SVEP1: variants seen among roughly 807,000 people sequenced by gnomAD.
The protein encoded by SVEP1 is sushi, von Willebrand factor type A, EGF and pentraxin domain-containing protein 1.
In SVEP1, 164 loss-of-function variants were observed where a neutral mutation model predicts 367.3. That is an observed-to-expected ratio of 0.45 (90% CI 0.39 to 0.51). The LOEUF is 0.51. Among genes scored for constraint, SVEP1 ranks in the 20% least tolerant of loss-of-function variants. The pLI is 0.00. For missense variants in SVEP1, 4,117 were observed against 4,425.3 expected (o/e 0.93, Z 1.98); for synonymous variants, 1,666 against 1,611.6 (o/e 1.03, Z -0.81).
At chr9:110,546,091 G>C (rs761995727) in intron 3 of SVEP1, 24 bp downstream of exon 3, 8 of 1,551,244 alleles carry the variant, frequency 5.2e-6, no homozygotes, top group Non-Finnish European at 7.0e-6. Flanking sequence ...ACAGACAACT[G>C]ATATACACAG....
intron 25 of SVEP1, among the ~76,000 whole-genome samples, chr9:110,446,339 C>A (rs1204617262): frequency 6.6e-6 from 1 of 152,144 alleles, no homozygotes; most frequent in Non-Finnish European, 1.5e-5. Flanking sequence ...TAAAGCATGT[C>A]TGTATGCTGA....
chr9:110,472,158 C>T lies in SVEP1; in HGVS notation c.2764+1G>A. ...TTTTCAAATAGACAGTTTATCCTTA[C>T]CTGTGATGTTAAAAATTAACTTAAT... On this transcript the variant is annotated splice_donor_variant, in intron 15 of 47. Transcript: ENST00000374469. LOFTEE classifies it high-confidence loss of function. The T allele has an allele frequency of 1.9e-6, 3 of 1,610,446 alleles. No homozygotes were observed. Among genetic ancestry groups the T allele is most frequent in the Non-Finnish European group, 1.7e-6 (2 of 1,178,932 alleles).
At chr9:110,574,961 G>A (rs749023579) in intron 1 of SVEP1, among the ~76,000 whole-genome samples, 4 of 152,090 alleles carry the variant, frequency 2.6e-5, no homozygotes, top group Non-Finnish European at 4.4e-5. Context: ...TAGCCAGGAC[G>A]GTCTAGATCT....
chr9:110,563,817 T>C (rs1008095500), intron 1 of SVEP1, among the ~76,000 whole-genome samples: 1 of 152,196 alleles, frequency 6.6e-6, no homozygotes, highest in Non-Finnish European at 1.5e-5. Context: ...GTATATCTTC[T>C]TCATTCTCTC....
chr9:110,389,648 A>T, intron 40 of SVEP1, 61 bp from the exon 41 acceptor site: 2 of 1,584,986 alleles, frequency 1.3e-6, no homozygotes, highest in Non-Finnish European at 1.7e-6. Flanking sequence ...GATAATAAGG[A>T]AATGCAAAGT....
intron 36 of SVEP1, among the ~76,000 whole-genome samples, chr9:110,412,370 G>A (rs1828056764): frequency 6.6e-6 from 1 of 152,082 alleles, no homozygotes; most frequent in Non-Finnish European, 1.5e-5. Flanking sequence ...TACCCCATGT[G>A]GCTAGAGTTG....
chr9:110,549,676 A>G (rs1830258774), intron 2 of SVEP1, among the ~76,000 whole-genome samples, 173 bp downstream of exon 2: 1 of 152,160 alleles, frequency 6.6e-6, no homozygotes, highest in East Asian at 1.9e-4. Flanking sequence ...CAAGGTCAGA[A>G]TGTCATCTCT....
intron 1 of SVEP1, among the ~76,000 whole-genome samples, chr9:110,576,143 G>T (rs1287692953): frequency 6.6e-6 from 1 of 152,072 alleles, no homozygotes; most frequent in Non-Finnish European, 1.5e-5. Flanking sequence ...TCAAGAATTT[G>T]CCTTAAGGAA....
chr9:110,465,477 C>A (rs1828921519), intron 18 of SVEP1, among the ~76,000 whole-genome samples: 1 of 152,142 alleles, frequency 6.6e-6, no homozygotes, highest in Non-Finnish European at 1.5e-5. Context: ...GAATGAAATT[C>A]ATAATCCACA....
chr9:110,414,407 G>A (rs2118514964), intron 36 of SVEP1, among the ~76,000 whole-genome samples: 1 of 152,054 alleles, frequency 6.6e-6, no homozygotes, highest in Middle Eastern at 3.4e-3. Flanking sequence ...GTCTCAAAAT[G>A]AATACTCAGA....
chr9:110,573,506 A>G (rs1402019556), intron 1 of SVEP1, among the ~76,000 whole-genome samples: 1 of 152,102 alleles, frequency 6.6e-6, no homozygotes, highest in Non-Finnish European at 1.5e-5. Context: ...GTTTGGCGAG[A>G]CAGCGCATCC....
chr9:110,381,949 G>C (rs898461512), intron 43 of SVEP1, among the ~76,000 whole-genome samples: 1 of 152,094 alleles, frequency 6.6e-6, no homozygotes, highest in African/African-American at 2.4e-5. Flanking sequence ...AAATGCCCTT[G>C]TCTTTTTTGA....
intron 3 of SVEP1, among the ~76,000 whole-genome samples, chr9:110,538,632 T>G (rs748584008): frequency 6.6e-6 from 1 of 152,144 alleles, no homozygotes; most frequent in Admixed American, 6.6e-5. Flanking sequence ...GAAAATAATA[T>G]AGCTGGAGCT....
At chr9:110,386,189 G>T in intron 42 of SVEP1, 115 bp from the exon 43 acceptor site, 1 of 1,142,908 alleles carries the variant, frequency 8.7e-7, no homozygotes, top group Non-Finnish European at 1.2e-6. Flanking sequence ...GATCATATAA[G>T]GTTTAAAAAT....
At chr9:110,503,987 A>AG (rs1452576697) in intron 5 of SVEP1, among the ~76,000 whole-genome samples, 1 of 152,086 alleles carries the variant, frequency 6.6e-6, no homozygotes, top group African/African-American at 2.4e-5. Context: ...TATATAGCTG[A>AG]GATTGAGCAG....
At chr9:110,489,558 C>T in intron 9 of SVEP1, 92 bp downstream of exon 9, 2 of 1,272,688 alleles carry the variant, frequency 1.6e-6, no homozygotes, top group Non-Finnish European at 2.2e-6. Flanking sequence ...CAATTACCTC[C>T]CACTGGGTCC....
At chr9:110,492,482 T>C (rs1283140649) in intron 8 of SVEP1, among the ~76,000 whole-genome samples, 2 of 152,092 alleles carry the variant, frequency 1.3e-5, no homozygotes, top group Non-Finnish European at 2.9e-5. Flanking sequence ...ATGAAAGGCT[T>C]ATGCATGTTT....
chr9:110,505,959 C>T (rs1441334445), intron 5 of SVEP1, among the ~76,000 whole-genome samples: 1 of 152,050 alleles, frequency 6.6e-6, no homozygotes, highest in Non-Finnish European at 1.5e-5. Flanking sequence ...CTAATGTTAT[C>T]CCTCCCCTAG....
intron 39 of SVEP1, among the ~76,000 whole-genome samples, chr9:110,403,217 T>C (rs1282303068): frequency 1.3e-5 from 2 of 151,056 alleles, no homozygotes; most frequent in Non-Finnish European, 2.9e-5. Flanking sequence ...TCTCCTGGTA[T>C]ATCTTATGGA....
Sources: gnomAD v4.1 joint callset for allele counts (sites outside exome capture counted in the v4.1 genomes callset) on GRCh38, gnomAD v4.1.1 for gene constraint, MANE v1.5 for transcripts, NCBI Gene and HGNC (gene_info 2026-07-23, HGNC 2026-07-21) for gene names.